Variants in PSMB1 observed in about 807,000 individuals in gnomAD.
The protein encoded by PSMB1 is proteasome 20S subunit beta 1.
Under a neutral mutation model 25.4 loss-of-function variants are expected in PSMB1, and 7 were observed. That is an observed-to-expected ratio of 0.28 (90% CI 0.16 to 0.52). PSMB1 has a LOEUF of 0.52. PSMB1 is among the 20% of genes least tolerant of loss of function. PSMB1 has a pLI of 0.97. For missense variants in PSMB1, 284 were observed against 302.2 expected (o/e 0.94, Z 0.45); for synonymous variants, 119 against 115.0 (o/e 1.03, Z -0.22).
intron 1 of PSMB1, among the ~76,000 whole-genome samples, chr6:170,552,867 A>T (rs896430236): frequency 6.6e-6 from 1 of 152,238 alleles, no homozygotes; most frequent in Admixed American, 6.5e-5. Context: ...ATAAAAACTC[A>T]AATGACATGA....
intron 2 of PSMB1, among the ~76,000 whole-genome samples, chr6:170,547,881 C>CAAAAAA (rs5881874): frequency 0.13 from 14,249 of 112,132 alleles, 961 homozygotes; most frequent in Non-Finnish European, 0.19. Flanking sequence ...ACGTGTTTCA[C>CAAAAAA]AAAAAAAAAA....
chr6:170,538,760 A>T (rs1223876539), intron 4 of PSMB1, among the ~76,000 whole-genome samples: 10 of 152,252 alleles, frequency 6.6e-5, no homozygotes, highest in Admixed American at 6.5e-4. Context: ...ATCTGAGGTC[A>T]CCTAAGAAAC....
Position 170,549,120 on chromosome 6 carries a change from A to G in PSMB1, c.114-7T>C, listed in dbSNP as rs1778859674. On this transcript the variant is annotated splice_region_variant and splice_polypyrimidine_tract_variant and intron_variant, in intron 1 of 5. Coordinates refer to ENST00000262193, the MANE Select transcript of PSMB1 (RefSeq NM_002793.4). The stretch of plus-strand genomic sequence containing the variant: ...AGCAATTGCCAGTATAGTACTGAGG[A>G]AAAAAGAAAAAAATTAATTCTCCAG... The G allele has an allele frequency of 6.5e-7, 1 of 1,545,550 alleles. No individual in the cohort carries two copies. The highest frequency in any genetic ancestry group is 8.9e-7 in the Non-Finnish European group (1 of 1,119,442).
chr6:170,543,022 T>C (rs1778774553), intron 4 of PSMB1, among the ~76,000 whole-genome samples: 1 of 152,068 alleles, frequency 6.6e-6, no homozygotes. Flanking sequence ...TGAGAACAAA[T>C]GGATTGGAAC....
At chr6:170,551,858 T>G (rs1231914544) in intron 1 of PSMB1, among the ~76,000 whole-genome samples, 1 of 152,188 alleles carries the variant, frequency 6.6e-6, no homozygotes, top group Non-Finnish European at 1.5e-5. Flanking sequence ...GATGACAGCT[T>G]GCAATTTACA....
chr6:170,546,230 G>A (rs1205698915), intron 2 of PSMB1, 46 bp from the exon 3 acceptor site: 1 of 1,466,022 alleles, frequency 6.8e-7, no homozygotes. Context: ...AGATAGTAGA[G>A]CAAAACATAT....
At chr6:170,538,039 TAAG>T (rs1259334033) in intron 4 of PSMB1, among the ~76,000 whole-genome samples, 3 of 152,160 alleles carry the variant, frequency 2.0e-5, no homozygotes, top group Non-Finnish European at 4.4e-5. Flanking sequence ...TTTAAAAGAA[TAAG>T]AAAACTATTT....
chr6:170,535,332 T>G lies in PSMB1; in HGVS notation c.614A>C (p.Asp205Ala), dbSNP rs755058616. 19 of 1,614,022 alleles carry G rather than the reference T, an allele frequency of 1.2e-5. No individual in the cohort carries two copies. The South Asian group carries it at 2.1e-4, about 18-fold the overall frequency. ...TCTCTCAGCCGCAGAAATGAAGACA[T>G]CTTTCACCAGCCGCATGGCTCTGTC... ...SLDRAMRLVK[D>A]VFISAAERDV... The change falls in exon 6 of 6, where the codon GAT becomes GCT. Residue 205 changes from aspartate to alanine, a missense_variant. By Grantham distance (126) the Asp-to-Ala change is moderately radical. Coordinates refer to ENST00000262193, the MANE Select transcript of PSMB1 (RefSeq NM_002793.4).
Position 170,553,073 on chromosome 6 carries a change from G to A in PSMB1, c.113+57C>T, listed in dbSNP as rs138433416. 2,030 of 1,451,928 alleles carry A rather than the reference G, an allele frequency of 1.4e-3. 23 individuals carry two copies. In the African/African-American group the frequency reaches 0.025, roughly 18 times the overall value. 89.9% of individuals were successfully genotyped at this position (1,451,928 alleles called of 1,614,324 possible). The stretch of plus-strand genomic sequence containing the variant: ...CATCACGGCGGTGACTCCTAAATAG[G>A]CTTCAGCAGATGGGGGAAGGGCGAA... On this transcript the variant is annotated intron_variant, in intron 1 of 5. Transcript: ENST00000262193.
chr6:170,543,564 C>T (rs1778781035), intron 4 of PSMB1, 37 bp downstream of exon 4: 1 of 1,557,048 alleles, frequency 6.4e-7, no homozygotes, highest in Non-Finnish European at 8.8e-7. Context: ...ATAATAACTC[C>T]TCCCCCCCAC....
At chr6:170,552,651 G>C (rs1466644867) in intron 1 of PSMB1, among the ~76,000 whole-genome samples, 2 of 152,098 alleles carry the variant, frequency 1.3e-5, no homozygotes, top group African/African-American at 2.4e-5. Flanking sequence ...TAGACATCTC[G>C]GCTACCAACC....
At chr6:170,540,546 T>C (rs1405650926) in intron 4 of PSMB1, among the ~76,000 whole-genome samples, 3 of 116,144 alleles carry the variant, frequency 2.6e-5, no homozygotes, top group African/African-American at 3.5e-5. Context: ...AGGACTTTCA[T>C]AATCAAATTT....
intron 4 of PSMB1, among the ~76,000 whole-genome samples, chr6:170,539,554 T>C (rs1221516416): frequency 6.6e-6 from 1 of 152,100 alleles, no homozygotes; most frequent in Non-Finnish European, 1.5e-5. Flanking sequence ...AGAATATATA[T>C]AAATGAAAAT....
chr6:170,536,605 T>G (rs781032023), intron 5 of PSMB1: 25 of 389,218 alleles, frequency 6.4e-5, no homozygotes, highest in Non-Finnish European at 1.1e-4. Flanking sequence ...AATACAGTAT[T>G]GTAAATGTAT....
chr6:170,539,246 G>A (rs1778730045), intron 4 of PSMB1, among the ~76,000 whole-genome samples: 2 of 152,192 alleles, frequency 1.3e-5, no homozygotes, highest in South Asian at 2.1e-4. Flanking sequence ...CTAAGCTTTG[G>A]ATGGGAGAAG....
intron 2 of PSMB1, 144 bp from the exon 3 acceptor site, chr6:170,546,328 T>C: frequency 1.5e-6 from 1 of 654,038 alleles, no homozygotes; most frequent in Non-Finnish European, 2.7e-6. Context: ...GGAGGAGGGG[T>C]CTGTATTCCA....
chr6:170,542,498 T>C (rs916212802), intron 4 of PSMB1, among the ~76,000 whole-genome samples: 1 of 152,212 alleles, frequency 6.6e-6, no homozygotes, highest in East Asian at 1.9e-4. Flanking sequence ...TCCCAGGCGC[T>C]GACAATGTTG....
Position 170,553,148 on chromosome 6 carries a change from G to A in PSMB1, c.95C>T (p.Pro32Leu). 5 of 1,612,818 alleles carry A rather than the reference G, an allele frequency of 3.1e-6. No individual in the cohort carries two copies. The highest frequency in any genetic ancestry group is 4.2e-6 in the Non-Finnish European group (5 of 1,179,472). ...AAGPLQLRFS[P>L]YVFNGGTILA... ...TTTTTACCCTCCGTTGAAAACGTAG[G>A]GCGAAAATCGCAGCTGCAAAGGGCC... Residue 32 changes from proline (P) to leucine (L), a missense_variant, in exon 1 of 6, where the codon CCC becomes CTC. Physicochemically the swap from Pro to Leu is moderately conservative, Grantham distance 98. Transcript: ENST00000262193.
chr6:170,542,818 A>T (rs1047969383), intron 4 of PSMB1, among the ~76,000 whole-genome samples: 5 of 152,182 alleles, frequency 3.3e-5, no homozygotes, highest in Non-Finnish European at 7.4e-5. Context: ...GCTTACTCCA[A>T]TGATATCCTC....
Sources: allele counts gnomAD v4.1 joint callset (sites outside exome capture counted in the v4.1 genomes callset), GRCh38; gene constraint gnomAD v4.1.1; transcripts MANE v1.5; gene names NCBI Gene and HGNC (gene_info 2026-07-23, HGNC 2026-07-21).